The following ZBTB44 variants were observed in gnomAD, a reference collection of about 807,000 sequenced individuals.
ZBTB44 encodes the protein zinc finger and BTB domain containing 44.
In ZBTB44, 15 loss-of-function variants were observed where a neutral mutation model predicts 54.0. The ratio of observed to expected loss-of-function variants is 0.28; its 90% CI spans 0.19 to 0.43. The LOEUF is 0.43. ZBTB44 is among the 20% of genes least tolerant of loss of function. The pLI, the probability that ZBTB44 is intolerant of heterozygous loss-of-function variation, is 1.00. For synonymous variants in ZBTB44, 230 were observed against 250.1 expected (o/e 0.92, Z 0.76); for missense variants, 487 against 707.1 (o/e 0.69, Z 3.53).
rs147377064 is a variant in ZBTB44 at position 130,294,282 on chromosome 11, G to A, written c.-57+20093C>T. 6.7e-3 allele frequency among the ~76,000 whole-genome samples: 1,011 copies of A among 151,824 alleles called. 8 individuals carry two copies. The highest frequency in any genetic ancestry group is 0.022 in the African/African-American group (908 of 41,384). The stretch of plus-strand genomic sequence containing the variant: ...AAATTAGCTGGGTGTGGTGGTGCAC[G>A]CCTGTAACCCCAGCTACTACTCAGG... On this transcript the variant is annotated intron_variant, in intron 1 of 7. Transcript: ENST00000357899.
chr11:130,239,699 G>C, intron 3 of ZBTB44, 113 bp downstream of exon 3: 1 of 793,376 alleles, frequency 1.3e-6, no homozygotes, highest in South Asian at 1.7e-5. Flanking sequence ...ACTTTGAAAA[G>C]TATACTGAAG....
intron 2 of ZBTB44, among the ~76,000 whole-genome samples, chr11:130,247,392 C>A (rs1056877434): frequency 2.6e-5 from 4 of 152,164 alleles, no homozygotes; most frequent in Non-Finnish European, 4.4e-5. Context: ...TAAGTTCATG[C>A]TGAATTAAGC....
chr11:130,288,099 A>C (rs1454549111), intron 1 of ZBTB44, among the ~76,000 whole-genome samples: 1 of 152,176 alleles, frequency 6.6e-6, no homozygotes, highest in African/African-American at 2.4e-5. Flanking sequence ...TCAGCTGAGC[A>C]CAGTGGCTCA....
chr11:130,278,173 G>A (rs980477768), intron 1 of ZBTB44, among the ~76,000 whole-genome samples: 5 of 152,122 alleles, frequency 3.3e-5, no homozygotes, highest in Admixed American at 2.0e-4. Flanking sequence ...TATCAAAGTC[G>A]AAAATGCATT....
chr11:130,305,987 CAACA>C (rs1433397484), intron 1 of ZBTB44, among the ~76,000 whole-genome samples: 6 of 151,904 alleles, frequency 3.9e-5, no homozygotes, highest in Non-Finnish European at 4.4e-5. Context: ...TAAAAACAGC[CAACA>C]AACACATGAA....
At chr11:130,295,625 G>C (rs1282217177) in intron 1 of ZBTB44, 1 of 834,334 alleles carries the variant, frequency 1.2e-6, no homozygotes, top group East Asian at 2.6e-5. Flanking sequence ...TGAAAACTCT[G>C]AAGTTAAAAA....
At position 130,236,929 on chromosome 11, in the gene ZBTB44, G is replaced by A. The variant is rs746580647; in HGVS notation, c.1432C>T (p.Arg478Trp). 1.9e-6 allele frequency: 3 copies of A among 1,606,124 alleles called. No individual in the cohort carries two copies. The highest frequency in any genetic ancestry group is 2.5e-6 in the Non-Finnish European group (3 of 1,176,878). The change falls in exon 5 of 8, where the codon CGG becomes TGG. Residue 478 changes from arginine (R) to tryptophan (W), a missense_variant. By Grantham distance (101) the Arg-to-Trp change is moderately radical. Around this residue, in one of 3 missense-constraint regions of ZBTB44, gnomAD observed 120 missense variants for 240.3 expected, o/e 0.50. Coordinates refer to ENST00000357899, the MANE Select transcript of ZBTB44 (RefSeq NM_001301098.2). ...GEYKHHMRVS[R>W]HIIRKPRIYE... ...ATCCGAGGCTTGCGGATAATGTGCC[G>A]GGAAACCCTCATGTGGTGTTTATAT...
intron 2 of ZBTB44, among the ~76,000 whole-genome samples, chr11:130,247,862 A>C (rs960230735): frequency 2.0e-5 from 3 of 152,196 alleles, no homozygotes; most frequent in Non-Finnish European, 4.4e-5. Context: ...CTAGAGAGTT[A>C]TCTTTTTAAG....
chr11:130,237,132 T>A (rs2136277656), intron 4 of ZBTB44, 39 bp from the exon 5 acceptor site: 1 of 1,449,574 alleles, frequency 6.9e-7, no homozygotes, highest in East Asian at 2.6e-5. Flanking sequence ...AAAACAAAAA[T>A]AAACTGAAAA....
intron 1 of ZBTB44, among the ~76,000 whole-genome samples, chr11:130,287,070 A>G (rs1941010789): frequency 6.6e-6 from 1 of 152,178 alleles, no homozygotes; most frequent in Non-Finnish European, 1.5e-5. Flanking sequence ...CCATCTTGCA[A>G]ATTCAATGTC....
At chr11:130,308,911 G>A (rs563519834) in intron 1 of ZBTB44, among the ~76,000 whole-genome samples, 4 of 152,302 alleles carry the variant, frequency 2.6e-5, no homozygotes, top group South Asian at 4.1e-4. Context: ...TCAGGCGGGT[G>A]GGAAAAGGGT....
intron 1 of ZBTB44, among the ~76,000 whole-genome samples, chr11:130,300,585 G>C (rs1941936259): frequency 6.6e-6 from 1 of 152,178 alleles, no homozygotes; most frequent in Non-Finnish European, 1.5e-5. Context: ...ACCTGTGAAA[G>C]AGATAGATAC....
intron 1 of ZBTB44, 80 bp from the exon 2 acceptor site, chr11:130,262,009 T>C: frequency 2.9e-6 from 3 of 1,041,188 alleles, no homozygotes; most frequent in Non-Finnish European, 4.0e-6. Context: ...ATGTGGCCAC[T>C]GTACTAAATT....
intron 1 of ZBTB44, among the ~76,000 whole-genome samples, chr11:130,304,239 T>C (rs1361365895): frequency 6.6e-6 from 1 of 152,154 alleles, no homozygotes; most frequent in Non-Finnish European, 1.5e-5. Context: ...TATTCTGAAG[T>C]ACCAAGGACT....
At chr11:130,298,311 T>C (rs1941780836) in intron 1 of ZBTB44, among the ~76,000 whole-genome samples, 1 of 151,868 alleles carries the variant, frequency 6.6e-6, no homozygotes, top group African/African-American at 2.4e-5. Flanking sequence ...CCCAGATGAT[T>C]TTTGTATTTT....
intron 2 of ZBTB44, among the ~76,000 whole-genome samples, chr11:130,242,736 C>T (rs560726297): frequency 1.3e-3 from 205 of 151,928 alleles, no homozygotes; most frequent in African/African-American, 4.8e-3. Context: ...CATTTTTTTC[C>T]CTGAATTTTC....
chr11:130,279,577 C>T (rs1262693715), intron 1 of ZBTB44, among the ~76,000 whole-genome samples: 3 of 152,044 alleles, frequency 2.0e-5, no homozygotes, highest in East Asian at 3.9e-4. Context: ...GAGAATCGCT[C>T]GAGTCCAGGA....
At chr11:130,262,312 G>T (rs560561940) in intron 1 of ZBTB44, among the ~76,000 whole-genome samples, 1 of 151,918 alleles carries the variant, frequency 6.6e-6, no homozygotes, top group African/African-American at 2.4e-5. Context: ...GCTAAGTTTT[G>T]TATTTTTGTA....
intron 1 of ZBTB44, among the ~76,000 whole-genome samples, chr11:130,275,886 A>G (rs1940027704): frequency 6.6e-6 from 1 of 150,992 alleles, no homozygotes; most frequent in Admixed American, 6.6e-5. Flanking sequence ...TTGGCCTCCC[A>G]AAGTGCTGGG....
Sources: gnomAD v4.1 joint callset for allele counts (sites outside exome capture counted in the v4.1 genomes callset) on GRCh38, gnomAD v4.1.1 for gene constraint, gnomAD v4.1.1 regional missense constraint, MANE v1.5 for transcripts, NCBI Gene and HGNC (gene_info 2026-07-23, HGNC 2026-07-21) for gene names.